PTPRM: variants seen among roughly 807,000 people sequenced by gnomAD.
PTPRM encodes protein tyrosine phosphatase receptor type M, also known as receptor-type tyrosine-protein phosphatase mu.
Under a neutral mutation model 186.7 loss-of-function variants are expected in PTPRM, and 47 were observed. The observed-to-expected ratio is 0.25, with a 90% CI of 0.20 to 0.32. The LOEUF is 0.32. Among genes scored for constraint, PTPRM ranks in the 10% least tolerant of loss-of-function variants. The probability of loss-of-function intolerance (pLI) is 1.00; values close to 1 mark genes in which losing one functional copy is unlikely to be tolerated. For synonymous variants in PTPRM, 668 were observed against 674.9 expected, an observed-to-expected ratio of 0.99 and a Z score of 0.16; for missense variants, 1,494 against 1,865.0, an observed-to-expected ratio of 0.80 and a Z score of 3.66.
intron 7 of PTPRM, among the ~76,000 whole-genome samples, chr18:8,001,724 C>T (rs749041071): frequency 6.6e-6 from 1 of 152,086 alleles, no homozygotes; most frequent in Non-Finnish European, 1.5e-5. Context: ...AATAAAAAGC[C>T]AGTTGATAGT....
chr18:7,886,867 A>G (rs1339014461), intron 2 of PTPRM, among the ~76,000 whole-genome samples: 1 of 152,216 alleles, frequency 6.6e-6, no homozygotes, highest in Non-Finnish European at 1.5e-5. Context: ...TTCATTTGAT[A>G]CTTACAGTCA....
chr18:7,902,770 G>C (rs1047167708), intron 3 of PTPRM, among the ~76,000 whole-genome samples: 8 of 150,942 alleles, frequency 5.3e-5, no homozygotes, highest in African/African-American at 1.7e-4. Context: ...TCTGTGACGC[G>C]ATGGATGAAA....
intron 2 of PTPRM, among the ~76,000 whole-genome samples, chr18:7,818,582 A>G (rs1382497580): frequency 1.3e-5 from 2 of 152,194 alleles, no homozygotes; most frequent in Non-Finnish European, 2.9e-5. Context: ...TGCCCTAAGC[A>G]CTTGGACAGT....
chr18:8,342,146 C>T (rs1568786698), intron 22 of PTPRM, among the ~76,000 whole-genome samples: 1 of 152,174 alleles, frequency 6.6e-6, no homozygotes, highest in Non-Finnish European at 1.5e-5. Context: ...ACACAAGAAC[C>T]GATTGCTAAT....
chr18:8,375,961 G>A (rs1052604614), intron 24 of PTPRM, 85 bp from the exon 25 acceptor site: 2 of 1,441,564 alleles, frequency 1.4e-6, no homozygotes, highest in African/African-American at 2.8e-5. Flanking sequence ...CCTGGGGACT[G>A]TTTCCACTCC....
chr18:7,983,953 A>G (rs1156788539), intron 7 of PTPRM, among the ~76,000 whole-genome samples: 1 of 152,186 alleles, frequency 6.6e-6, no homozygotes, highest in Non-Finnish European at 1.5e-5. Flanking sequence ...TGCTAAATTG[A>G]TGTTATCAAG....
At chr18:8,300,052 G>C (rs77289305) in intron 20 of PTPRM, among the ~76,000 whole-genome samples, 5,805 of 152,264 alleles carry the variant, frequency 0.038, 159 homozygotes, top group East Asian at 0.068. Context: ...AATGTTGTCA[G>C]AGGCGGGATG....
intron 22 of PTPRM, among the ~76,000 whole-genome samples, chr18:8,321,420 G>A (rs2095344823): frequency 6.6e-6 from 1 of 151,836 alleles, no homozygotes; most frequent in Admixed American, 6.6e-5. Flanking sequence ...CATTCTCTCT[G>A]CCCCTCTCCC....
intron 13 of PTPRM, among the ~76,000 whole-genome samples, chr18:8,126,577 T>C (rs2145884161): frequency 6.6e-6 from 1 of 152,296 alleles, no homozygotes; most frequent in African/African-American, 2.4e-5. Context: ...TCCATTTCTC[T>C]ACTTCCCACC....
rs150948251 is a variant in PTPRM at position 7,979,919 on chromosome 18, C to T, written c.1132+24505C>T. On this transcript the variant is annotated intron_variant, in intron 7 of 32. Transcript: ENST00000580170. ...CCACCTTGTCCCGCCCTGGGTTGAT[C>T]CCTCCCAGATGCCCACATCTCCAGG... 4.9e-4 allele frequency among the ~76,000 whole-genome samples: 75 copies of T among 152,260 alleles called. No individual in the cohort carries two copies. In the East Asian group the frequency reaches 0.014, roughly 28 times the overall value.
At chr18:7,921,736 T>C (rs2050878532) in intron 4 of PTPRM, among the ~76,000 whole-genome samples, 1 of 152,154 alleles carries the variant, frequency 6.6e-6, no homozygotes, top group Non-Finnish European at 1.5e-5. Flanking sequence ...TTTCTGTTTT[T>C]TTTTGTTTGT....
At chr18:8,170,655 A>G (rs2093386580) in intron 14 of PTPRM, among the ~76,000 whole-genome samples, 1 of 152,196 alleles carries the variant, frequency 6.6e-6, no homozygotes, top group Admixed American at 6.5e-5. Context: ...AAGGAGGAGA[A>G]ACTCATTAAG....
chr18:8,258,881 G>A (rs1324487542), intron 19 of PTPRM, among the ~76,000 whole-genome samples: 2 of 151,936 alleles, frequency 1.3e-5, no homozygotes, highest in African/African-American at 2.4e-5. Flanking sequence ...AAAAAAAAGT[G>A]TGTGTGTACA....
At chr18:8,122,910 A>G (rs568052666) in intron 13 of PTPRM, among the ~76,000 whole-genome samples, 32 of 152,322 alleles carry the variant, frequency 2.1e-4, no homozygotes, top group Admixed American at 5.9e-4. Flanking sequence ...GTTTATATAA[A>G]TCATGCAGTG....
chr18:7,921,963 A>T (rs1217145155), intron 4 of PTPRM, among the ~76,000 whole-genome samples: 1 of 152,142 alleles, frequency 6.6e-6, no homozygotes, highest in Non-Finnish European at 1.5e-5. Flanking sequence ...TTTGCATTGA[A>T]GGGTTGGTTA....
At chr18:8,194,597 T>C (rs2093751203) in intron 14 of PTPRM, among the ~76,000 whole-genome samples, 1 of 152,220 alleles carries the variant, frequency 6.6e-6, no homozygotes, top group East Asian at 1.9e-4. Flanking sequence ...TCATTAGGCC[T>C]TACTGGTTTG....
intron 4 of PTPRM, among the ~76,000 whole-genome samples, chr18:7,925,749 A>G (rs2051138498): frequency 1.3e-5 from 2 of 152,222 alleles, no homozygotes; most frequent in South Asian, 4.1e-4. Flanking sequence ...CATTGTTATA[A>G]TAAGGAAATG....
In PTPRM at chr18:8,406,166, T is replaced by C. The variant is rs2095905358; in HGVS notation, c.*4T>C. Reference sequence around the variant, plus strand: ...GGAATACTTGAATTCTGGCTGATGGTGTAAACAGCTCTGCAAACAATCCCT... The same window carrying C: ...GGAATACTTGAATTCTGGCTGATGGCGTAAACAGCTCTGCAAACAATCCCT... On this transcript the variant is annotated 3_prime_UTR_variant, in exon 33 of 33. Transcript: ENST00000580170. The C allele has an allele frequency of 1.9e-6, 3 of 1,613,350 alleles. No homozygotes were observed. Among genetic ancestry groups the C allele is most frequent in the Non-Finnish European group, 2.5e-6 (3 of 1,179,470 alleles).
chr18:8,212,730 C>T (rs935533344), intron 14 of PTPRM, among the ~76,000 whole-genome samples: 1 of 152,170 alleles, frequency 6.6e-6, no homozygotes, highest in African/African-American at 2.4e-5. Context: ...TCACTTGAGC[C>T]TAGGATTTCA....
Sources: allele counts gnomAD v4.1 joint callset (sites outside exome capture counted in the v4.1 genomes callset), GRCh38; gene constraint gnomAD v4.1.1; transcripts MANE v1.5; gene names NCBI Gene and HGNC (gene_info 2026-07-23, HGNC 2026-07-21).